ZNF385D: variants seen among roughly 807,000 people sequenced by gnomAD.
ZNF385D encodes zinc finger protein 385D, also known as zinc finger protein 659.
ZNF385D carries 15 observed loss-of-function variants against 35.8 expected under a neutral mutation model. The ratio of observed to expected loss-of-function variants is 0.42; its 90% CI spans 0.28 to 0.64. The LOEUF (loss-of-function observed/expected upper bound fraction) is 0.64, where lower values mean the gene tolerates loss of function less well. Ranked by LOEUF, ZNF385D falls within the 30% of genes least tolerant of loss-of-function variation. The pLI, the probability that ZNF385D is intolerant of heterozygous loss-of-function variation, is 0.23. For synonymous variants in ZNF385D, 212 were observed against 186.8 expected (o/e 1.13, Z -1.10); for missense variants, 474 against 494.6 (o/e 0.96, Z 0.39).
chr3:22,139,805 G>A (rs1704385669), intron 3 of ZNF385D, among the ~76,000 whole-genome samples: 1 of 151,972 alleles, frequency 6.6e-6, no homozygotes, highest in Non-Finnish European at 1.5e-5. Flanking sequence ...AGAGATATAA[G>A]TTGTCAAGCA....
intron 2 of ZNF385D, among the ~76,000 whole-genome samples, chr3:21,640,367 A>G (rs961023696): frequency 6.6e-6 from 1 of 152,104 alleles, no homozygotes; most frequent in Non-Finnish European, 1.5e-5. Context: ...CAAATAATGG[A>G]AAAATCTGAG....
rs199507798 is a variant in ZNF385D, at chr3:21,618,228, ATATACT to A, written c.165+46652_165+46657del. Among the ~76,000 whole-genome samples, 1,222 of 152,270 alleles carry A rather than the reference ATATACT, an allele frequency of 8.0e-3. 43 individuals carry two copies. Among genetic ancestry groups the A allele is most frequent in the Admixed American group, 0.054 (833 of 15,296 alleles). On this transcript the variant is annotated intron_variant, in intron 2 of 7. Coordinates refer to ENST00000281523, the MANE Select transcript of ZNF385D (RefSeq NM_024697.3). ...TGGTGGGCCCTAAATCCCATTGTAA[ATATACT>A]TAGAAGATAGAGGCAGAGGGAGATT... is the stretch of plus-strand genomic sequence containing the variant.
chr3:22,242,867 T>G (rs781412653), intron 2 of ZNF385D, among the ~76,000 whole-genome samples: 2 of 148,170 alleles, frequency 1.3e-5, no homozygotes, highest in Non-Finnish European at 3.0e-5. Flanking sequence ...GTTAGATTTA[T>G]AGAAGAGGGG....
chr3:21,602,916 T>C (rs1575297700), intron 2 of ZNF385D, among the ~76,000 whole-genome samples: 1 of 152,146 alleles, frequency 6.6e-6, no homozygotes, highest in East Asian at 1.9e-4. Context: ...TTTAAAAACC[T>C]TCTCATCCAC....
In ZNF385D at chr3:22,208,818, A is replaced by G. The variant is rs1697328407; in HGVS notation, c.107-39783T>C. Among the ~76,000 whole-genome samples, 3 of 151,902 alleles carry G rather than the reference A, an allele frequency of 2.0e-5. No homozygotes were observed. In the South Asian group the frequency reaches 6.2e-4, roughly 31 times the overall value. On this transcript the variant is annotated intron_variant, in intron 2 of 5. Coordinates refer to the ZNF385D transcript ENST00000494108. ...GCATTGTCAGCAGTTTCCAAAATTT[A>G]CAAGCTGGCAAAACTAAAGAGAGAA...
intron 4 of ZNF385D, among the ~76,000 whole-genome samples, chr3:21,449,959 C>A (rs575360558): frequency 6.6e-6 from 1 of 152,286 alleles, no homozygotes; most frequent in African/African-American, 2.4e-5. Context: ...CAGGACACAA[C>A]AGTCAATTCA....
intron 2 of ZNF385D, among the ~76,000 whole-genome samples, chr3:21,587,927 A>G (rs1236083411): frequency 1.3e-5 from 2 of 152,112 alleles, no homozygotes; most frequent in African/African-American, 4.8e-5. Flanking sequence ...TTTCTGTGCA[A>G]TTTTTGAAGG....
At chr3:21,828,162 G>T (rs903031820) in intron 3 of ZNF385D, among the ~76,000 whole-genome samples, 1 of 152,116 alleles carries the variant, frequency 6.6e-6, no homozygotes, top group Non-Finnish European at 1.5e-5. Context: ...ACTAGGGTTG[G>T]TTATAATTTC....
chr3:22,104,833 G>C (rs1018600500), intron 3 of ZNF385D, among the ~76,000 whole-genome samples: 2 of 152,128 alleles, frequency 1.3e-5, no homozygotes, highest in African/African-American at 4.8e-5. Context: ...AATCAAAAGA[G>C]TCTCTGAACT....
intron 2 of ZNF385D, among the ~76,000 whole-genome samples, chr3:22,247,927 C>T (rs1248283828): frequency 6.6e-6 from 1 of 152,058 alleles, no homozygotes; most frequent in African/African-American, 2.4e-5. Context: ...TGACAGTTTG[C>T]AAGGCAGATT....
intron 2 of ZNF385D, among the ~76,000 whole-genome samples, chr3:21,644,751 CT>C (rs1275652741): frequency 2.0e-5 from 3 of 152,062 alleles, no homozygotes; most frequent in Admixed American, 6.6e-5. Context: ...AGTAAATTTC[CT>C]GCATATGTAC....
At chr3:22,161,701 T>C (rs1347254411) in intron 3 of ZNF385D, among the ~76,000 whole-genome samples, 3 of 152,206 alleles carry the variant, frequency 2.0e-5, no homozygotes, top group Admixed American at 1.3e-4. Context: ...AAATGATCTA[T>C]TTACATGACT....
At chr3:21,519,696 T>G (rs900390338) in intron 3 of ZNF385D, among the ~76,000 whole-genome samples, 3 of 152,178 alleles carry the variant, frequency 2.0e-5, no homozygotes, top group Non-Finnish European at 4.4e-5. Flanking sequence ...GAGATCTAAA[T>G]GACTTTTAAC....
At chr3:22,076,013 T>C (rs575431098) in intron 3 of ZNF385D, among the ~76,000 whole-genome samples, 247 of 151,986 alleles carry the variant, frequency 1.6e-3, no homozygotes, top group African/African-American at 3.8e-3. Flanking sequence ...CTGCAAAATA[T>C]ATATGAAATT....
At chr3:21,937,888 T>C (rs1701336231) in intron 3 of ZNF385D, among the ~76,000 whole-genome samples, 1 of 152,176 alleles carries the variant, frequency 6.6e-6, no homozygotes, top group Non-Finnish European at 1.5e-5. Context: ...TATTTTCCAA[T>C]CATTAATGTC....
intron 2 of ZNF385D, among the ~76,000 whole-genome samples, chr3:22,250,756 A>G (rs531846653): frequency 1.7e-4 from 26 of 152,234 alleles, no homozygotes; most frequent in Non-Finnish European, 2.9e-5. Flanking sequence ...ACTGCATGAC[A>G]GAGCAGTCAT....
intron 3 of ZNF385D, among the ~76,000 whole-genome samples, chr3:21,528,180 G>C (rs1309544694): frequency 6.6e-6 from 1 of 152,042 alleles, no homozygotes; most frequent in Non-Finnish European, 1.5e-5. Context: ...AATAGATCCA[G>C]AAAGGGGAGA....
chr3:22,251,526 C>G (rs1700064086), intron 2 of ZNF385D, among the ~76,000 whole-genome samples: 2 of 152,022 alleles, frequency 1.3e-5, no homozygotes, highest in African/African-American at 4.8e-5. Context: ...TACCTTAGAC[C>G]AGGATTTCTC....
chr3:21,657,366 T>A (rs938143897), intron 2 of ZNF385D, among the ~76,000 whole-genome samples: 1 of 152,000 alleles, frequency 6.6e-6, no homozygotes, highest in South Asian at 2.1e-4. Context: ...ATAGTGTATA[T>A]TGAAGTCATT....
Sources: gnomAD v4.1 joint callset for allele counts (sites outside exome capture counted in the v4.1 genomes callset) on GRCh38, gnomAD v4.1.1 for gene constraint, MANE v1.5 for transcripts, NCBI Gene and HGNC (gene_info 2026-07-23, HGNC 2026-07-21) for gene names.